Variants in ANKRD33B observed in about 807,000 individuals in gnomAD.
ANKRD33B encodes ankyrin repeat domain-containing protein 33B.
In ANKRD33B, 6 loss-of-function variants were observed where a neutral mutation model predicts 21.5. The observed-to-expected ratio is 0.28, with a 90% confidence interval of 0.15 to 0.55. The LOEUF (loss-of-function observed/expected upper bound fraction) is 0.55. Ranked by LOEUF, ANKRD33B falls within the 20% of genes least tolerant of loss-of-function variation. ANKRD33B has a pLI of 0.94. For missense variants in ANKRD33B, 698 were observed against 747.2 expected, an observed-to-expected ratio of 0.93 and a Z score of 0.77; for synonymous variants, 347 against 342.4, an observed-to-expected ratio of 1.01 and a Z score of -0.15.
chr5:10,622,385 C>T (rs1736440373), intron 2 of ANKRD33B, among the ~76,000 whole-genome samples: 2 of 152,202 alleles, frequency 1.3e-5, no homozygotes, highest in Non-Finnish European at 2.9e-5. Flanking sequence ...CTACCAGCAT[C>T]AGACCTAAGT....
At chr5:10,614,772 A>G (rs1736247564) in intron 1 of ANKRD33B, among the ~76,000 whole-genome samples, 1 of 152,142 alleles carries the variant, frequency 6.6e-6, no homozygotes, top group South Asian at 2.1e-4. Flanking sequence ...CTGTAGTCCT[A>G]GCTACTCGGG....
chr5:10,598,519 G>A (rs184717841), intron 1 of ANKRD33B, among the ~76,000 whole-genome samples: 3 of 152,228 alleles, frequency 2.0e-5, no homozygotes, highest in East Asian at 1.9e-4. Context: ...CATCCGCCTC[G>A]GCCTCCCAAA....
intron 2 of ANKRD33B, among the ~76,000 whole-genome samples, chr5:10,631,038 C>T (rs997657540): frequency 3.3e-5 from 5 of 152,140 alleles, no homozygotes; most frequent in African/African-American, 9.7e-5. Context: ...TACAGTCGGA[C>T]ATGGCAAGTC....
chr5:10,638,814 A>G (rs1736938420), intron 3 of ANKRD33B, among the ~76,000 whole-genome samples: 1 of 152,094 alleles, frequency 6.6e-6, no homozygotes, highest in African/African-American at 2.4e-5. Flanking sequence ...GTTGCAGGGT[A>G]ATGTTAGGAG....
chr5:10,640,141 T>C (rs148750302), intron 3 of ANKRD33B, among the ~76,000 whole-genome samples: 7 of 147,462 alleles, frequency 4.7e-5, no homozygotes, highest in East Asian at 4.1e-4. Context: ...CGTGGAGTTG[T>C]GTGGTGATGT....
intron 1 of ANKRD33B, among the ~76,000 whole-genome samples, chr5:10,617,906 AC>A (rs777890645): frequency 8.6e-5 from 13 of 151,874 alleles, no homozygotes; most frequent in Non-Finnish European, 1.8e-4. Flanking sequence ...TCTTTCACAC[AC>A]GGACCCCAAC....
intron 1 of ANKRD33B, among the ~76,000 whole-genome samples, chr5:10,602,364 G>GC (rs1163039319): frequency 1.3e-5 from 2 of 152,250 alleles, no homozygotes; most frequent in African/African-American, 4.8e-5. Context: ...ACTATGAGTG[G>GC]CCAAAGTCAA....
chr5:10,565,906 C>G (rs534113916), intron 1 of ANKRD33B, among the ~76,000 whole-genome samples: 2 of 152,332 alleles, frequency 1.3e-5, no homozygotes, highest in Admixed American at 1.3e-4. Flanking sequence ...AAAACATGTG[C>G]TTTGACTTGG....
chr5:10,647,094 T>A (rs1357949043), intron 3 of ANKRD33B, among the ~76,000 whole-genome samples: 1 of 152,078 alleles, frequency 6.6e-6, no homozygotes. Context: ...CTAATGGGAC[T>A]TGAAATCCTC....
chr5:10,566,477 A>G (rs1009187897), intron 1 of ANKRD33B, among the ~76,000 whole-genome samples: 1 of 152,306 alleles, frequency 6.6e-6, no homozygotes, highest in South Asian at 2.1e-4. Context: ...TCATAAAGGA[A>G]CAGGTGGGGT....
At chr5:10,630,437 G>A (rs73036553) in intron 2 of ANKRD33B, among the ~76,000 whole-genome samples, 2 of 152,116 alleles carry the variant, frequency 1.3e-5, no homozygotes, top group African/African-American at 2.4e-5. Context: ...ACATCCCATC[G>A]GCCAAGGTTC....
rs897393128 is a variant in ANKRD33B, at chr5:10,653,427, C to G, written c.*3314C>G. 6.6e-6 allele frequency: 1 copy of G among 152,668 alleles called. No homozygotes were observed. 9.5% of individuals were successfully genotyped at this position (152,668 alleles called of 1,614,324 possible). ...GTGAGGCTCAGGGAGTGCAGGAGAC[C>G]AGGGAGGGAAGCCCAGATGATGGGG... On this transcript the variant is annotated 3_prime_UTR_variant, in exon 4 of 4. Coordinates refer to ENST00000296657, the MANE Select transcript of ANKRD33B (RefSeq NM_001164440.2).
chr5:10,607,560 C>T (rs1466434211), intron 1 of ANKRD33B, among the ~76,000 whole-genome samples: 2 of 152,248 alleles, frequency 1.3e-5, no homozygotes, highest in Admixed American at 1.3e-4. Flanking sequence ...CCAGTGAGTA[C>T]TGCAGCTGAA....
chr5:10,565,989 T>C (rs924133595), intron 1 of ANKRD33B, among the ~76,000 whole-genome samples: 1 of 152,210 alleles, frequency 6.6e-6, no homozygotes, highest in Non-Finnish European at 1.5e-5. Flanking sequence ...GACTGTGGTT[T>C]GGGCTGGGCT....
chr5:10,625,036 C>G, intron 2 of ANKRD33B: 1 of 330,364 alleles, frequency 3.0e-6, no homozygotes, highest in Non-Finnish European at 6.0e-6. Flanking sequence ...CACTGAAGAC[C>G]AGCAGAGTCA....
chr5:10,590,602 G>A (rs906779559), intron 1 of ANKRD33B, among the ~76,000 whole-genome samples: 18 of 103,964 alleles, frequency 1.7e-4, no homozygotes, highest in African/African-American at 7.5e-4. Flanking sequence ...GCGCGCGCGC[G>A]CGCGCGTGTG....
intron 1 of ANKRD33B, among the ~76,000 whole-genome samples, chr5:10,595,089 G>A (rs1003147134): frequency 3.3e-5 from 5 of 152,150 alleles, no homozygotes; most frequent in African/African-American, 1.2e-4. Flanking sequence ...TATCTCTAGC[G>A]AGTGTGCCCT....
chr5:10,624,520 C>T (rs142923999), intron 2 of ANKRD33B, among the ~76,000 whole-genome samples: 3 of 152,296 alleles, frequency 2.0e-5, no homozygotes, highest in African/African-American at 4.8e-5. Context: ...CACCCACCCT[C>T]TGGCCTGGGC....
At chr5:10,569,774 G>A (rs903466816) in intron 1 of ANKRD33B, among the ~76,000 whole-genome samples, 4 of 152,158 alleles carry the variant, frequency 2.6e-5, no homozygotes, top group African/African-American at 9.7e-5. Context: ...CTTGGCGATG[G>A]GTGGGCTGGC....
Sources: allele counts gnomAD v4.1 joint callset (sites outside exome capture counted in the v4.1 genomes callset), GRCh38; gene constraint gnomAD v4.1.1; transcripts MANE v1.5; gene names NCBI Gene and HGNC (gene_info 2026-07-23, HGNC 2026-07-21).